The following DLGAP1 variants were observed in gnomAD, a reference collection of about 807,000 sequenced individuals.
DLGAP1 encodes disks large-associated protein 1.
In DLGAP1, 11 loss-of-function variants were observed where a neutral mutation model predicts 90.8. The observed-to-expected ratio is 0.12, with a 90% CI of 0.08 to 0.20. The LOEUF is 0.20. DLGAP1 is among the 10% of genes least tolerant of loss of function. The probability of loss-of-function intolerance (pLI) is 1.00; values close to 1 mark genes in which losing one functional copy is unlikely to be tolerated. For missense variants in DLGAP1, 1,050 were observed against 1,333.8 expected, an observed-to-expected ratio of 0.79 and a Z score of 3.31; for synonymous variants, 558 against 540.7, an observed-to-expected ratio of 1.03 and a Z score of -0.44.
chr18:4,206,178 G>A (rs976751922), intron 1 of DLGAP1, among the ~76,000 whole-genome samples: 1 of 152,096 alleles, frequency 6.6e-6, no homozygotes, highest in Non-Finnish European at 1.5e-5. Context: ...GGGACTTAGG[G>A]ACTTAAAGAG....
intron 10 of DLGAP1, among the ~76,000 whole-genome samples, chr18:3,531,263 C>T (rs1488145980): frequency 6.6e-6 from 1 of 151,840 alleles, no homozygotes; most frequent in Admixed American, 6.6e-5. Context: ...ATGGTGAAAC[C>T]CCGTCTCTAC....
At chr18:4,237,686 T>C (rs1434496659) in intron 1 of DLGAP1, among the ~76,000 whole-genome samples, 1 of 148,940 alleles carries the variant, frequency 6.7e-6, no homozygotes, top group South Asian at 2.1e-4. Context: ...ACTCCATTTA[T>C]AAAGAAAAAA....
chr18:4,218,345 T>C (rs2078001465), intron 1 of DLGAP1, among the ~76,000 whole-genome samples: 1 of 152,036 alleles, frequency 6.6e-6, no homozygotes, highest in African/African-American at 2.4e-5. Context: ...TGACAAATAG[T>C]AATTGTATAT....
At chr18:4,036,064 G>A (rs1598280190) in intron 2 of DLGAP1, among the ~76,000 whole-genome samples, 1 of 152,194 alleles carries the variant, frequency 6.6e-6, no homozygotes, top group Middle Eastern at 3.4e-3. Context: ...TTATTTTCAG[G>A]GATGGAAAGA....
chr18:3,820,268 T>TC, intron 4 of DLGAP1, among the ~76,000 whole-genome samples: 1 of 152,272 alleles, frequency 6.6e-6, no homozygotes, highest in South Asian at 2.1e-4. Flanking sequence ...GAAGCATATG[T>TC]CCTGAAAATA....
intron 1 of DLGAP1, among the ~76,000 whole-genome samples, chr18:4,303,882 T>C (rs1189269256): frequency 6.6e-6 from 1 of 152,242 alleles, no homozygotes; most frequent in Non-Finnish European, 1.5e-5. Flanking sequence ...TCCTTTTTAA[T>C]TCTATTCTTG....
At position 3,567,498 on chromosome 18, in the gene DLGAP1, T is replaced by A. The variant is rs1320415918; in HGVS notation, c.2049A>T (p.Glu683Asp). The part of the protein sequence containing the change: ...KFQSVGVQVE[E>D]EKCFRRFTRS... ...CGTGCATGTGGACTTACCACTTCTCTTCTTCTACTTGCACTCCCACGGACT... is the reference window on the plus strand; with the variant it reads ...CGTGCATGTGGACTTACCACTTCTCATCTTCTACTTGCACTCCCACGGACT... The change falls in exon 9 of 13, where the codon GAA becomes GAT. Residue 683 changes from glutamate to aspartate, a missense_variant. This residue lies in a region of DLGAP1 where 565 missense variants were observed against 879.7 expected (regional missense o/e 0.64). Coordinates refer to ENST00000315677, the MANE Select transcript of DLGAP1 (RefSeq NM_004746.4). 1.2e-6 allele frequency: 2 copies of A among 1,613,788 alleles called. No individual in the cohort carries two copies. Among genetic ancestry groups the A allele is most frequent in the Non-Finnish European group, 1.7e-6 (2 of 1,179,856 alleles).
intron 2 of DLGAP1, among the ~76,000 whole-genome samples, chr18:4,021,513 T>C (rs1291678314): frequency 6.6e-6 from 1 of 152,142 alleles, no homozygotes; most frequent in South Asian, 2.1e-4. Context: ...GCCATGCTTG[T>C]ACAGCCTCCA....
intron 10 of DLGAP1, among the ~76,000 whole-genome samples, chr18:3,523,573 T>A (rs374716322): frequency 1.3e-5 from 2 of 149,500 alleles, no homozygotes; most frequent in Non-Finnish European, 3.0e-5. Context: ...TCCGACCAGG[T>A]GCGGTGGCTC....
chr18:3,841,155 G>A (rs2068694434), intron 4 of DLGAP1, among the ~76,000 whole-genome samples: 1 of 152,170 alleles, frequency 6.6e-6, no homozygotes, highest in Non-Finnish European at 1.5e-5. Flanking sequence ...TACGGTTGAA[G>A]AACATGAAGG....
At chr18:4,136,344 G>A (rs554832226) in intron 2 of DLGAP1, among the ~76,000 whole-genome samples, 5 of 152,180 alleles carry the variant, frequency 3.3e-5, no homozygotes, top group East Asian at 3.9e-4. Context: ...GTGGTTGTAC[G>A]AATGTACATT....
chr18:4,360,405 T>C (rs764955802), intron 1 of DLGAP1, among the ~76,000 whole-genome samples: 1 of 152,084 alleles, frequency 6.6e-6, no homozygotes, highest in African/African-American at 2.4e-5. Flanking sequence ...GTAAGTAGGA[T>C]GTGAGAGGAA....
intron 1 of DLGAP1, among the ~76,000 whole-genome samples, chr18:4,348,931 T>G (rs887799348): frequency 6.6e-6 from 1 of 152,068 alleles, no homozygotes; most frequent in Non-Finnish European, 1.5e-5. Context: ...ATGATGGATA[T>G]AGAAAATCAT....
intron 7 of DLGAP1, among the ~76,000 whole-genome samples, chr18:3,680,406 G>C (rs2060469723): frequency 6.6e-6 from 1 of 152,212 alleles, no homozygotes; most frequent in Non-Finnish European, 1.5e-5. Context: ...TGATCACAGA[G>C]TCTCAGCTTT....
intron 8 of DLGAP1, among the ~76,000 whole-genome samples, chr18:3,573,383 T>C (rs2054920674): frequency 6.6e-6 from 1 of 152,036 alleles, no homozygotes; most frequent in Non-Finnish European, 1.5e-5. Context: ...GTGGATGTAG[T>C]CCCAGCTACT....
intron 1 of DLGAP1, among the ~76,000 whole-genome samples, chr18:4,229,158 G>A (rs112075579): frequency 0.047 from 7,187 of 151,834 alleles, 212 homozygotes; most frequent in African/African-American, 0.066. Flanking sequence ...TGAAAACTAT[G>A]AAACATTGAT....
At chr18:4,446,995 A>G (rs78254343) in intron 1 of DLGAP1, among the ~76,000 whole-genome samples, 7,508 of 152,310 alleles carry the variant, frequency 0.049, 637 homozygotes, top group African/African-American at 0.17. Context: ...TTTCATATCC[A>G]TAAGATTGGC....
intron 1 of DLGAP1, among the ~76,000 whole-genome samples, chr18:4,376,034 T>C (rs773227151): frequency 6.6e-6 from 1 of 152,150 alleles, no homozygotes; most frequent in Admixed American, 6.6e-5. Context: ...GGTAATTCTA[T>C]AGATTATACA....
At chr18:4,302,718 T>C (rs1156736828) in intron 1 of DLGAP1, among the ~76,000 whole-genome samples, 1 of 152,156 alleles carries the variant, frequency 6.6e-6, no homozygotes, top group Non-Finnish European at 1.5e-5. Flanking sequence ...TGTGGTTCCA[T>C]ATGAGTTTTA....
Sources: allele counts gnomAD v4.1 joint callset (sites outside exome capture counted in the v4.1 genomes callset), GRCh38; gene constraint gnomAD v4.1.1; regional missense constraint gnomAD v4.1.1; transcripts MANE v1.5; gene names NCBI Gene and HGNC (gene_info 2026-07-23, HGNC 2026-07-21).